The following PIP5K1A variants were observed in gnomAD, a reference collection of about 807,000 sequenced individuals.
The protein encoded by PIP5K1A is phosphatidylinositol-4-phosphate 5-kinase type 1 alpha, also known as phosphatidylinositol 4-phosphate 5-kinase type-1 alpha.
In PIP5K1A, 46 loss-of-function variants were observed where a neutral mutation model predicts 72.9. That is an observed-to-expected ratio of 0.63 (90% confidence interval 0.50 to 0.81). PIP5K1A has a LOEUF of 0.81. PIP5K1A is among the 30% of genes least tolerant of loss of function. The probability of loss-of-function intolerance (pLI) is 0.00; values close to 1 mark genes in which losing one functional copy is unlikely to be tolerated. For synonymous variants in PIP5K1A, 228 were observed against 255.1 expected (o/e 0.89, Z 1.01); for missense variants, 458 against 706.1 (o/e 0.65, Z 3.98).
intron 1 of PIP5K1A, chr1:151,216,017 T>C (rs1687543275): frequency 1.6e-6 from 2 of 1,271,886 alleles, no homozygotes; most frequent in South Asian, 2.5e-5. Context: ...CTGATGTGTA[T>C]CTGTGCTAAA....
At chr1:151,228,551 T>C (rs915179615) in intron 4 of PIP5K1A, among the ~76,000 whole-genome samples, 1 of 152,060 alleles carries the variant, frequency 6.6e-6, no homozygotes, top group Admixed American at 6.6e-5. Flanking sequence ...GGAGCAGTAA[T>C]AGTGAAAAAG....
At chr1:151,242,809 C>T (rs1691948531) in intron 14 of PIP5K1A, among the ~76,000 whole-genome samples, 1 of 152,170 alleles carries the variant, frequency 6.6e-6, no homozygotes, top group African/African-American at 2.4e-5. Context: ...CATCTGAAGG[C>T]TCAAACAGGA....
intron 3 of PIP5K1A, among the ~76,000 whole-genome samples, chr1:151,226,374 C>T (rs1689135932): frequency 1.3e-5 from 2 of 151,956 alleles, no homozygotes; most frequent in Admixed American, 6.6e-5. Flanking sequence ...TGTGAGCCAC[C>T]GCACCCGGCC....
At chr1:151,234,040 G>A (rs1400069708) in intron 7 of PIP5K1A, among the ~76,000 whole-genome samples, 157 bp from the exon 8 acceptor site, 1 of 152,104 alleles carries the variant, frequency 6.6e-6, no homozygotes, top group Non-Finnish European at 1.5e-5. Context: ...TAGATGCATA[G>A]GGAAATGTAA....
Position 151,239,195 on chromosome 1 carries a change from G to T in PIP5K1A, c.1278+17G>T, listed in dbSNP as rs375224888. 1 of 1,554,174 alleles carries T rather than the reference G, an allele frequency of 6.4e-7. No homozygotes were observed. The highest frequency in any genetic ancestry group is 1.4e-5 in the African/African-American group (1 of 73,778). On this transcript the variant is annotated intron_variant, in intron 11 of 15. Transcript: ENST00000368888. ...CATGACGGAGTAAGTAGTAATACTA[G>T]AGGCTCTCTTACCGTACACTTCTGC...
chr1:151,246,861 C>A, intron 14 of PIP5K1A, 59 bp from the exon 15 acceptor site: 1 of 1,242,486 alleles, frequency 8.0e-7, no homozygotes, highest in Non-Finnish European at 1.2e-6. Flanking sequence ...AAAGGAGAGT[C>A]CTTTGTTGTT....
At chr1:151,236,299 T>C (rs1420366665) in intron 8 of PIP5K1A, among the ~76,000 whole-genome samples, 1 of 151,184 alleles carries the variant, frequency 6.6e-6, no homozygotes, top group East Asian at 2.0e-4. Flanking sequence ...GGCAGCATGG[T>C]GAAACCGTCT....
intron 10 of PIP5K1A, chr1:151,238,543 C>G (rs755602249): frequency 7.7e-6 from 3 of 388,990 alleles, no homozygotes; most frequent in African/African-American, 4.1e-5. Context: ...AATATGCCAT[C>G]TGTCTGGCTC....
intron 1 of PIP5K1A, among the ~76,000 whole-genome samples, chr1:151,214,600 C>G (rs886691589): frequency 6.6e-6 from 1 of 152,050 alleles, no homozygotes; most frequent in African/African-American, 2.4e-5. Flanking sequence ...AGGCTGGTCT[C>G]GAACTCCTGA....
In PIP5K1A at chr1:151,236,763, A is replaced by T. The variant is rs754145025; in HGVS notation, c.1145A>T (p.His382Leu). Residue 382 changes from histidine (H) to leucine (L), a missense_variant and splice_region_variant, in exon 9 of 16, where the codon CAT becomes CTT. Transcript: ENST00000368888. Reference sequence around the variant, plus strand: ...GGTGGTACCATGGAGACTGATGACCAGTAAGTGGGCTCAGGGCCACTAGGG... The same window carrying T: ...GGTGGTACCATGGAGACTGATGACCTGTAAGTGGGCTCAGGGCCACTAGGG... ...RRGGTMETDD[H>L]MGGIPARNSK... The T allele has an allele frequency of 6.2e-7, 1 of 1,610,146 alleles. No homozygotes were observed. The highest frequency in any genetic ancestry group is 8.5e-7 in the Non-Finnish European group (1 of 1,177,718).
chr1:151,247,545 C>T lies in PIP5K1A; in HGVS notation c.1687-318C>T, dbSNP rs587642933. ...GGTTCACGCCATTCTGCTGCCTCAG[C>T]CCCTTGAGTAGTTGGGACTACAGGC... is the stretch of plus-strand genomic sequence containing the variant. On this transcript the variant is annotated intron_variant, in intron 15 of 15. Transcript: ENST00000368888. 8.5e-5 allele frequency among the ~76,000 whole-genome samples: 13 copies of T among 152,260 alleles called. No homozygotes were observed. In the South Asian group the frequency reaches 1.7e-3, roughly 19 times the overall value.
At position 151,242,504 on chromosome 1, in the gene PIP5K1A, C is replaced by T. The variant is rs769767244; in HGVS notation, c.1577C>T (p.Ser526Leu). The T allele has an allele frequency of 9.3e-6, 15 of 1,613,316 alleles. No homozygotes were observed. The highest frequency in any genetic ancestry group is 4.0e-5 in the African/African-American group (3 of 74,922). The change falls in exon 14 of 16, where the codon TCG becomes TTG. Residue 526 changes from serine (S) to leucine (L), a missense_variant. Physicochemically the swap from Ser to Leu is moderately radical, Grantham distance 145 (BLOSUM62 -2). Around this residue, in one of 3 missense-constraint regions of PIP5K1A, gnomAD observed 157 missense variants for 175.5 expected, o/e 0.89. Transcript: ENST00000368888. ...TPPLEEISEG[S>L]PIPDPSFSPL... ...CCTTTGGAGGAAATCAGTGAGGGCTCGCCTATTCCTGACCCCAGTTTCTCA... is the reference window on the plus strand; with the variant it reads ...CCTTTGGAGGAAATCAGTGAGGGCTTGCCTATTCCTGACCCCAGTTTCTCA...
At chr1:151,236,881 G>A in intron 9 of PIP5K1A, 118 bp downstream of exon 9, 2 of 684,692 alleles carry the variant, frequency 2.9e-6, no homozygotes, top group Non-Finnish European at 4.7e-6. Context: ...GTGCTGATGT[G>A]CAATGGCACG....
intron 1 of PIP5K1A, among the ~76,000 whole-genome samples, chr1:151,199,796 G>T (rs1351708966): frequency 6.6e-6 from 1 of 152,108 alleles, no homozygotes. Context: ...GGACTTAAAA[G>T]ATATCGAAAA....
intron 1 of PIP5K1A, among the ~76,000 whole-genome samples, chr1:151,213,891 T>C (rs1687210949): frequency 6.6e-6 from 1 of 152,144 alleles, no homozygotes; most frequent in Non-Finnish European, 1.5e-5. Flanking sequence ...ATAGTTTATA[T>C]AGGTAAGGAA....
At chr1:151,199,970 C>T (rs966516555) in intron 1 of PIP5K1A, among the ~76,000 whole-genome samples, 2 of 152,096 alleles carry the variant, frequency 1.3e-5, no homozygotes, top group Non-Finnish European at 1.5e-5. Context: ...CACAGACACA[C>T]ATACATACTT....
chr1:151,206,905 G>A (rs896613000), intron 1 of PIP5K1A, among the ~76,000 whole-genome samples: 8 of 151,316 alleles, frequency 5.3e-5, no homozygotes, highest in Non-Finnish European at 5.9e-5. Flanking sequence ...CGCCATGTTC[G>A]CCAGGCTGGT....
rs112144926 is a variant in PIP5K1A at position 151,237,477 on chromosome 1, A to C, written c.1146-705A>C. Among the ~76,000 whole-genome samples the C allele has an allele frequency of 7.2e-5, 11 of 152,286 alleles. 1 individual carries two copies. Among genetic ancestry groups the C allele is most frequent in the African/African-American group, 2.6e-4 (11 of 41,558 alleles). ...GGAGTTTGAGATCAGCCTGAGCATC[A>C]TGATGAGACCTCATCACTACAAAAA... On this transcript the variant is annotated intron_variant, in intron 9 of 15. Transcript: ENST00000368888.
intron 14 of PIP5K1A, among the ~76,000 whole-genome samples, chr1:151,245,044 A>G (rs1692295280): frequency 6.7e-6 from 1 of 150,086 alleles, no homozygotes; most frequent in Non-Finnish European, 1.5e-5. Context: ...GTGGCCTGCC[A>G]TTTCTTAATT....
Sources: allele counts gnomAD v4.1 joint callset (sites outside exome capture counted in the v4.1 genomes callset), GRCh38; gene constraint gnomAD v4.1.1; regional missense constraint gnomAD v4.1.1; transcripts MANE v1.5; gene names NCBI Gene and HGNC (gene_info 2026-07-23, HGNC 2026-07-21).